PLCB2: variants seen among roughly 807,000 people sequenced by gnomAD.
PLCB2 encodes the protein 1-phosphatidylinositol 4,5-bisphosphate phosphodiesterase beta-2.
PLCB2 carries 115 observed loss-of-function variants against 141.7 expected under a neutral mutation model. The observed-to-expected ratio is 0.81, with a 90% CI of 0.70 to 0.95. PLCB2 has a LOEUF of 0.95. Among genes scored for constraint, PLCB2 ranks in the 40% least tolerant of loss-of-function variants. The probability of loss-of-function intolerance (pLI) is 0.00; values close to 1 mark genes in which losing one functional copy is unlikely to be tolerated. For synonymous variants in PLCB2, 603 were observed against 595.6 expected (o/e 1.01, Z -0.18); for missense variants, 1,403 against 1,541.1 (o/e 0.91, Z 1.50).
intron 31 of PLCB2, 122 bp from the exon 32 acceptor site, chr15:40,289,040 T>A: frequency 7.1e-7 from 1 of 1,414,032 alleles, no homozygotes; most frequent in Non-Finnish European, 9.4e-7. Flanking sequence ...GAGACTGGGG[T>A]GAGAGGCAGG....
At chr15:40,287,382 C>T (rs1451454922), downstream of PLCB2, among the ~76,000 whole-genome samples, 1 of 152,190 alleles carries the variant, frequency 6.6e-6, no homozygotes, top group Non-Finnish European at 1.5e-5. Flanking sequence ...AAAACAACCT[C>T]TTCCCAGAAT....
rs546939241 is a variant in PLCB2, at chr15:40,299,193, A to G, written c.618T>C (p.Pro206=). The G allele has an allele frequency of 1.2e-6, 2 of 1,613,964 alleles. No individual in the cohort carries two copies. The highest frequency in any genetic ancestry group is 3.3e-5 in the Admixed American group (2 of 60,036). The change falls in exon 8 of 32, where the codon CCT becomes CCC. Residue 206 remains proline, a synonymous_variant. Transcript: ENST00000260402. ...GGCTCATGAGGAAACTCTTGTAGAC[A>G]GGTTCTGGGAAGTCCTCAGGATTGA... The part of the protein sequence containing the change: ...DAINPEDFPE[P]VYKSFLMSLC...
At position 40,302,061 on chromosome 15, in the gene PLCB2, C is replaced by T. The variant is rs770724552; in HGVS notation, c.507-29G>A. On this transcript the variant is annotated intron_variant, in intron 6 of 31. Coordinates refer to ENST00000260402, the MANE Select transcript of PLCB2 (RefSeq NM_004573.3). ...AAGGGGCAGAGAAAGGTACCAGGTACAGAGAGGAGTCAGGCCTGAGAAAGA... is the reference window on the plus strand; with the variant it reads ...AAGGGGCAGAGAAAGGTACCAGGTATAGAGAGGAGTCAGGCCTGAGAAAGA... The T allele has an allele frequency of 5.6e-6, 9 of 1,613,872 alleles. No homozygotes were observed. The Middle Eastern group carries it at 4.9e-4, about 88-fold the overall frequency.
chr15:40,304,090 A>T lies in PLCB2; in HGVS notation c.85-12T>A. The T allele has an allele frequency of 6.3e-7, 1 of 1,577,122 alleles. No homozygotes were observed. The highest frequency in any genetic ancestry group is 8.6e-7 in the Non-Finnish European group (1 of 1,158,074). On this transcript the variant is annotated splice_polypyrimidine_tract_variant and intron_variant, in intron 1 of 31. Coordinates refer to ENST00000260402, the MANE Select transcript of PLCB2 (RefSeq NM_004573.3). ...GCAACTGTAGTTTCCTGCAGAGAGA[A>T]GGAGCCAGCACTCTGTTCCAAGACC...
At position 40,293,717 on chromosome 15, in the gene PLCB2, G is replaced by C; in HGVS notation, c.2069C>G (p.Ser690Cys). 6.2e-7 allele frequency: 1 copy of C among 1,608,856 alleles called. No individual in the cohort carries two copies. The highest frequency in any genetic ancestry group is 8.5e-7 in the Non-Finnish European group (1 of 1,175,816). The change falls in exon 20 of 32, where the codon TCT becomes TGT. Residue 690 changes from serine (S) to cysteine (C), a missense_variant. Around this residue, in one of 4 missense-constraint regions of PLCB2, gnomAD observed 975 missense variants for 1,141.1 expected, o/e 0.85. Coordinates refer to ENST00000260402, the MANE Select transcript of PLCB2 (RefSeq NM_004573.3). Reference protein sequence around the residue: ...VATTLSITVISGQFLSERSVR... With the variant: ...VATTLSITVICGQFLSERSVR... ...GCTGCGTTCTGACAGGAACTGCCCAGAGATCACCTGGGGGTAGGGGCCCAG... is the reference window on the plus strand; with the variant it reads ...GCTGCGTTCTGACAGGAACTGCCCACAGATCACCTGGGGGTAGGGGCCCAG...
In PLCB2 at chr15:40,298,960, C is replaced by T. The variant is rs759054825; in HGVS notation, c.688G>A (p.Ala230Thr). ...EIDEIFTSYHAKAKPYMTKEH... is the reference protein window; with the variant it reads ...EIDEIFTSYHTKAKPYMTKEH... ...TTCGTCATGTAGGGTTTGGCCTTAGCATGGCTTCAAGCCAGAGAGAAGAGC... is the reference window on the plus strand; with the variant it reads ...TTCGTCATGTAGGGTTTGGCCTTAGTATGGCTTCAAGCCAGAGAGAAGAGC... Residue 230 changes from alanine to threonine, a missense_variant, in exon 9 of 32, where the codon GCT becomes ACT. Ala to Thr is a moderately conservative substitution (Grantham distance 58, BLOSUM62 0). Transcript: ENST00000260402. 1.9e-6 allele frequency: 3 copies of T among 1,604,532 alleles called. No homozygotes were observed. Among genetic ancestry groups the T allele is most frequent in the Non-Finnish European group, 1.7e-6 (2 of 1,178,680 alleles).
At position 40,295,022 on chromosome 15, in the gene PLCB2, C is replaced by G; in HGVS notation, c.1820G>C (p.Gly607Ala). 6.2e-7 allele frequency: 1 copy of G among 1,613,866 alleles called. No homozygotes were observed. Among genetic ancestry groups the G allele is most frequent in the Middle Eastern group, 1.7e-4 (1 of 6,058 alleles). ...KRQMSRIYPK[G>A]TRMDSSNYMP... ...GTAGTTGGAGGAGTCCATGCGGGTT[C>G]CCTTGGGGTAAATGCGGCTCATCTG... The change falls in exon 18 of 32, where the codon GGA (glycine) becomes GCA (alanine). Residue 607 changes from glycine (G) to alanine (A), a missense_variant. Physicochemically the swap from Gly to Ala is moderately conservative, Grantham distance 60. Transcript: ENST00000260402.
In PLCB2 at chr15:40,301,979, G is replaced by A. The variant is rs368426531; in HGVS notation, c.560C>T (p.Ala187Val). The change falls in exon 7 of 32, where the codon GCC (alanine) becomes GTC (valine). Residue 187 changes from alanine (A) to valine (V), a missense_variant. Ala to Val is a moderately conservative substitution (Grantham distance 64). Around this residue, in one of 4 missense-constraint regions of PLCB2, gnomAD observed 975 missense variants for 1,141.1 expected, o/e 0.85. Transcript: ENST00000260402. ...DRKRVEAALS[A>V]CHLPKGKNDA... ...CACTTTGCCTTTGGGGAGGTGGCAG[G>A]CACTGAGAGCAGCTTCCACCCGCTT... 6.2e-7 allele frequency: 1 copy of A among 1,614,030 alleles called. No homozygotes were observed. Among genetic ancestry groups the A allele is most frequent in the Non-Finnish European group, 8.5e-7 (1 of 1,179,906 alleles).
chr15:40,297,817 G>T lies in PLCB2; in HGVS notation c.1238+60C>A. 2 of 1,349,326 alleles carry T rather than the reference G, an allele frequency of 1.5e-6. No homozygotes were observed. The highest frequency in any genetic ancestry group is 1.1e-6 in the Non-Finnish European group (1 of 942,350). 83.6% of individuals were successfully genotyped at this position (1,349,326 alleles called of 1,614,324 possible). On this transcript the variant is annotated intron_variant, in intron 12 of 31. Coordinates refer to ENST00000260402, the MANE Select transcript of PLCB2 (RefSeq NM_004573.3). The surrounding 1 kb of genome is among the most constrained non-coding windows in gnomAD (Gnocchi z 4.2). ...GGCTGGGGCAGTTGTGGGGAGGACA[G>T]TTGCAGACAGGAGACTGGGGGCTGG...
chr15:40,284,825 T>A (rs1443990407), downstream of PLCB2, among the ~76,000 whole-genome samples: 18 of 99,782 alleles, frequency 1.8e-4, no homozygotes, highest in Admixed American at 3.3e-4. Flanking sequence ...GGAGACAGAG[T>A]GAGACTCCGT....
chr15:40,292,293 G>T, intron 22 of PLCB2, 46 bp downstream of exon 22: 1 of 1,527,672 alleles, frequency 6.5e-7, no homozygotes, highest in Non-Finnish European at 9.0e-7. Context: ...TGGGAAGGAA[G>T]GGGGAACAGA....
intron 19 of PLCB2, 81 bp downstream of exon 19, chr15:40,294,185 G>A (rs780203034): frequency 5.6e-5 from 78 of 1,384,126 alleles, no homozygotes; most frequent in South Asian, 2.7e-4. Context: ...AGGGGGTTGC[G>A]AGTTGAGTGA....
At chr15:40,285,035 G>A (rs1466122218), downstream of PLCB2, among the ~76,000 whole-genome samples, 1 of 151,994 alleles carries the variant, frequency 6.6e-6, no homozygotes, top group African/African-American at 2.4e-5. Context: ...GAGATGCCTG[G>A]GGAAAGGTAC....
rs777792464 is a variant in PLCB2 at position 40,294,941 on chromosome 15, G to A, written c.1901C>T (p.Thr634Met). 22 of 1,613,960 alleles carry A rather than the reference G, an allele frequency of 1.4e-5. No homozygotes were observed. The highest frequency in any genetic ancestry group is 3.3e-5 in the South Asian group (3 of 91,090). Reference sequence around the variant, plus strand: ...GGGCCTGGGAATGCCCTCACCCATCGTCTGGAAGTTGAGGGCAACCATCTG... The same window carrying A: ...GGGCCTGGGAATGCCCTCACCCATCATCTGGAAGTTGAGGGCAACCATCTG... ...GCQMVALNFQ[T>M]MDLPMQQNMA... The change falls in exon 18 of 32, where the codon ACG becomes ATG. Residue 634 changes from threonine to methionine, a missense_variant. Thr to Met is a moderately conservative substitution (Grantham distance 81, BLOSUM62 -1). Around this residue, in one of 4 missense-constraint regions of PLCB2, gnomAD observed 975 missense variants for 1,141.1 expected, o/e 0.85. Transcript: ENST00000260402.
rs754589888 is a variant in PLCB2 at position 40,289,322 on chromosome 15, C to T, written c.3304G>A (p.Glu1102Lys). 6 of 1,614,100 alleles carry T rather than the reference C, an allele frequency of 3.7e-6. No homozygotes were observed. In the Admixed American group the frequency reaches 1.0e-4, roughly 27 times the overall value. ...TCCAGGCAAGCCGCCTGCTTCTCCT[C>T]CAGCTTCTCCTGGTGCCTCTCCAAG... ...ENLERHQEKL[E>K]EKQAACLEQI... Residue 1102 changes from glutamate (E) to lysine (K), a missense_variant, in exon 31 of 32, where the codon GAG (glutamate) becomes AAG (lysine). By Grantham distance (56) the Glu-to-Lys change is moderately conservative (BLOSUM62 1). Transcript: ENST00000260402.
Position 40,297,835 on chromosome 15 carries a change from G to A in PLCB2, c.1238+42C>T, listed in dbSNP as rs770378870. ...GAGGACAGTTGCAGACAGGAGACTG[G>A]GGGCTGGGTGAGAATGTGGCTGAAT... On this transcript the variant is annotated intron_variant, in intron 12 of 31. Coordinates refer to ENST00000260402, the MANE Select transcript of PLCB2 (RefSeq NM_004573.3). This position sits in a 1 kb window ranked among gnomAD's most constrained non-coding sequence, Gnocchi z 4.2. 5 of 1,489,660 alleles carry A rather than the reference G, an allele frequency of 3.4e-6. No homozygotes were observed. The allele number at this position is 1,489,660 out of a possible 1,614,324, so 92.3% of individuals were successfully genotyped here.
intron 20 of PLCB2, 87 bp downstream of exon 20, chr15:40,293,473 C>T: frequency 7.4e-7 from 1 of 1,348,688 alleles, no homozygotes; most frequent in Non-Finnish European, 1.0e-6. Flanking sequence ...GGAGGAAGGT[C>T]AAGGAGCTGC....
rs769256929 is a variant in PLCB2 at position 40,289,378 on chromosome 15, A to G, written c.3268-20T>C. On this transcript the variant is annotated intron_variant, in intron 30 of 31. Coordinates refer to ENST00000260402, the MANE Select transcript of PLCB2 (RefSeq NM_004573.3). ...CGTCATCTGGGTGGGAGTGGATGGC[A>G]GAGAATCAGGACAACACAGACAGGC... 10 of 1,589,178 alleles carry G rather than the reference A, an allele frequency of 6.3e-6. No individual in the cohort carries two copies. Among genetic ancestry groups the G allele is most frequent in the Non-Finnish European group, 8.6e-6 (10 of 1,157,568 alleles).
downstream of PLCB2, chr15:40,285,608 A>C: frequency 1.0e-6 from 1 of 985,268 alleles, no homozygotes; most frequent in South Asian, 4.7e-5. Context: ...GAGACTCTCC[A>C]CCCCCAGTAA....
Sources: gnomAD v4.1 joint callset for allele counts (sites outside exome capture counted in the v4.1 genomes callset) on GRCh38, gnomAD v4.1.1 for gene constraint, gnomAD v4.1.1 regional missense constraint, Gnocchi (gnomAD v3.1) non-coding constraint, MANE v1.5 for transcripts, NCBI Gene and HGNC (gene_info 2026-07-23, HGNC 2026-07-21) for gene names.